Variants in EYS observed in about 807,000 individuals in gnomAD.
EYS encodes the protein EGF-like photoreceptor maintenance factor, also known as protein eyes shut homolog.
In EYS, 250 loss-of-function variants were observed where a neutral mutation model predicts 282.1. That is an observed-to-expected ratio of 0.89 (90% CI 0.80 to 0.98). The LOEUF is 0.98. EYS is among the 50% of genes least tolerant of loss of function. EYS has a pLI of 0.00. For synonymous variants in EYS, 1,355 were observed against 1,282.9 expected (o/e 1.06, Z -1.20); for missense variants, 4,016 against 3,709.0 (o/e 1.08, Z -2.15).
chr6:64,012,736 T>C (rs1243298410), intron 33 of EYS, among the ~76,000 whole-genome samples: 1 of 152,160 alleles, frequency 6.6e-6, no homozygotes, highest in Non-Finnish European at 1.5e-5. Flanking sequence ...GCCATATTTC[T>C]TGACATTGTC....
intron 36 of EYS, among the ~76,000 whole-genome samples, chr6:63,808,795 G>A (rs1390982185): frequency 2.0e-5 from 3 of 152,136 alleles, no homozygotes; most frequent in Non-Finnish European, 4.4e-5. Context: ...CATTTGAATT[G>A]TGGTTAGGCC....
chr6:63,732,583 C>A (rs1768808856), intron 41 of EYS, among the ~76,000 whole-genome samples: 1 of 152,208 alleles, frequency 6.6e-6, no homozygotes, highest in East Asian at 1.9e-4. Flanking sequence ...GAGATACGCC[C>A]AATTATTTCT....
intron 31 of EYS, among the ~76,000 whole-genome samples, chr6:64,215,075 A>G (rs996059730): frequency 6.6e-6 from 1 of 151,982 alleles, no homozygotes; most frequent in African/African-American, 2.4e-5. Flanking sequence ...GATAATGTTC[A>G]GTGGTTTATG....
chr6:64,662,229 G>A (rs1769056698), intron 22 of EYS, among the ~76,000 whole-genome samples: 1 of 107,372 alleles, frequency 9.3e-6, no homozygotes, highest in Non-Finnish European at 1.7e-5. Context: ...ACTGGGGCCT[G>A]TTGTGGGGTG....
chr6:64,320,151 ATTGT>A (rs1477260495), intron 29 of EYS, among the ~76,000 whole-genome samples: 3 of 151,882 alleles, frequency 2.0e-5, no homozygotes, highest in African/African-American at 4.8e-5. Flanking sequence ...TCTGCTTTGC[ATTGT>A]TTGAGATGAG....
At chr6:64,262,391 T>A (rs1421711929) in intron 30 of EYS, among the ~76,000 whole-genome samples, 1 of 151,692 alleles carries the variant, frequency 6.6e-6, no homozygotes, top group East Asian at 1.9e-4. Flanking sequence ...TTGCATAATT[T>A]GTATTTTTAT....
chr6:64,229,795 C>T (rs569899504), intron 31 of EYS, among the ~76,000 whole-genome samples: 89 of 152,246 alleles, frequency 5.8e-4, no homozygotes, highest in African/African-American at 2.1e-3. Context: ...GGATGTCCCA[C>T]ATTTTAGCGC....
chr6:63,875,876 G>T (rs1772954802), intron 35 of EYS, among the ~76,000 whole-genome samples: 1 of 151,898 alleles, frequency 6.6e-6, no homozygotes. Context: ...TTCTTTGTTA[G>T]TCTTGCTAGC....
chr6:65,123,758 CCACACACACA>C (rs34701707), intron 12 of EYS, among the ~76,000 whole-genome samples: 1 of 147,000 alleles, frequency 6.8e-6, no homozygotes, highest in African/African-American at 2.5e-5. Context: ...ACCCACCCAC[CCACACACACA>C]CACACACACA....
chr6:64,278,382 A>G (rs915721341), intron 30 of EYS, among the ~76,000 whole-genome samples: 3 of 152,124 alleles, frequency 2.0e-5, no homozygotes, highest in Non-Finnish European at 1.5e-5. Flanking sequence ...ATTCATTCTT[A>G]TTAAGAAAAA....
chr6:64,564,226 G>T (rs1036770805), intron 26 of EYS, among the ~76,000 whole-genome samples: 23 of 134,194 alleles, frequency 1.7e-4, no homozygotes, highest in Non-Finnish European at 2.8e-4. Flanking sequence ...GTGTGCAAGG[G>T]TTTCCTTTTC....
chr6:64,950,784 CACATAT>C lies in EYS; in HGVS notation c.2260-4876_2260-4871del, dbSNP rs201905212. Among the ~76,000 whole-genome samples, 512 of 94,140 alleles carry C rather than the reference CACATAT, an allele frequency of 5.4e-3. 23 individuals carry two copies. The highest frequency in any genetic ancestry group is 0.017 in the African/African-American group (374 of 21,888). The allele number at this position is 94,140 out of a possible 152,430, so 61.8% of individuals were successfully genotyped here. A position where few individuals can be genotyped will look rare whatever the true frequency, so the allele number is the denominator to read the frequency against. On this transcript the variant is annotated intron_variant, in intron 14 of 42. Transcript: ENST00000503581. The stretch of plus-strand genomic sequence containing the variant: ...GTAGAAACTGAATAAAAAATATATA[CACATAT>C]ACATATACATATATATATATATATA...
At chr6:64,161,665 G>T (rs1298543813) in intron 31 of EYS, among the ~76,000 whole-genome samples, 2 of 152,068 alleles carry the variant, frequency 1.3e-5, no homozygotes, top group African/African-American at 2.4e-5. Flanking sequence ...ATGCTATCTT[G>T]TTAAATAGAA....
intron 14 of EYS, among the ~76,000 whole-genome samples, chr6:64,985,347 A>G (rs981590322): frequency 4.0e-5 from 6 of 151,532 alleles, no homozygotes; most frequent in Non-Finnish European, 7.4e-5. Flanking sequence ...GATCTGACTA[A>G]TTAAGCCTAT....
chr6:65,319,303 C>A (rs1769406377), intron 11 of EYS, among the ~76,000 whole-genome samples: 1 of 150,364 alleles, frequency 6.7e-6, no homozygotes, highest in Admixed American at 6.6e-5. Flanking sequence ...TCTCTTTAAC[C>A]CAGGAAGCGG....
intron 22 of EYS, among the ~76,000 whole-genome samples, chr6:64,810,114 A>G (rs934667496): frequency 1.3e-5 from 2 of 152,118 alleles, no homozygotes; most frequent in Admixed American, 6.6e-5. Context: ...AATCATCTGC[A>G]TAAGACAAAT....
rs369208334 is a variant in EYS at position 63,934,026 on chromosome 6, G to T, written c.7055+50357C>A. Among the ~76,000 whole-genome samples, 27 of 152,232 alleles carry T rather than the reference G, an allele frequency of 1.8e-4. No individual in the cohort carries two copies. In the East Asian group the frequency reaches 3.5e-3, roughly 20 times the overall value. On this transcript the variant is annotated intron_variant, in intron 35 of 42. Coordinates refer to ENST00000503581, the MANE Select transcript of EYS (RefSeq NM_001142800.2). Reference sequence around the variant, plus strand: ...TCATCTGACAAAGGGCTAATATCCAGAATCTACAATGAACTCAAACAAATT... The same window carrying T: ...TCATCTGACAAAGGGCTAATATCCATAATCTACAATGAACTCAAACAAATT...
chr6:65,425,933 G>T (rs1425014894), intron 5 of EYS, among the ~76,000 whole-genome samples: 1 of 152,026 alleles, frequency 6.6e-6, no homozygotes, highest in Admixed American at 6.6e-5. Flanking sequence ...TAACCAAACT[G>T]AAGACTACAG....
chr6:64,128,711 T>C (rs1166651240), intron 31 of EYS, among the ~76,000 whole-genome samples: 2 of 152,218 alleles, frequency 1.3e-5, no homozygotes, highest in Admixed American at 6.5e-5. Flanking sequence ...GTTCTACTTA[T>C]TTGTTTCAAA....
Sources: gnomAD v4.1 joint callset for allele counts (sites outside exome capture counted in the v4.1 genomes callset) on GRCh38, gnomAD v4.1.1 for gene constraint, MANE v1.5 for transcripts, NCBI Gene and HGNC (gene_info 2026-07-23, HGNC 2026-07-21) for gene names.